Variants in GREM2 observed in about 807,000 individuals in gnomAD.
The protein encoded by GREM2 is gremlin 2, DAN family BMP antagonist, also known as gremlin-2.
GREM2 carries 11 observed loss-of-function variants against 14.2 expected under a neutral mutation model. That is an observed-to-expected ratio of 0.78 (90% CI 0.49 to 1.28). The LOEUF (loss-of-function observed/expected upper bound fraction) is 1.28. Ranked by LOEUF, GREM2 falls within the 50% of genes most tolerant of loss-of-function variation. The pLI is 0.00. For missense variants in GREM2, 210 were observed against 218.5 expected (o/e 0.96, Z 0.24); for synonymous variants, 98 against 97.6 (o/e 1.00, Z -0.02).
rs1265019746 is a variant in GREM2 at position 240,542,379 on chromosome 1, C to T, written c.-1-48903G>A. On this transcript the variant is annotated intron_variant, in intron 1 of 1. Coordinates refer to ENST00000318160, the MANE Select transcript of GREM2 (RefSeq NM_022469.4). The surrounding 1 kb of genome is among the most constrained non-coding windows in gnomAD (Gnocchi z 4.1). ...CAGTACTTTGGGAGGCCGAGGTGGG[C>T]AGATCACTTGCGGCCAGGAGTTCGA... is the stretch of plus-strand genomic sequence containing the variant. Among the ~76,000 whole-genome samples, 1 of 149,090 alleles carries T rather than the reference C, an allele frequency of 6.7e-6. No individual in the cohort carries two copies. The highest frequency in any genetic ancestry group is 2.5e-5 in the African/African-American group (1 of 40,322).
At chr1:240,556,203 A>T (rs1443573869) in intron 1 of GREM2, among the ~76,000 whole-genome samples, 1 of 152,232 alleles carries the variant, frequency 6.6e-6, no homozygotes, top group Non-Finnish European at 1.5e-5. Context: ...AAGGGAGGCC[A>T]TGTGCTAAGG....
At chr1:240,568,551 A>T (rs12139708) in intron 1 of GREM2, among the ~76,000 whole-genome samples, 39,183 of 152,044 alleles carry the variant, frequency 0.26, 5,806 homozygotes, top group East Asian at 0.4. Context: ...AGATTGGATT[A>T]AAAAAAGTAT....
chr1:240,521,234 T>C (rs1330893700), intron 1 of GREM2, among the ~76,000 whole-genome samples: 1 of 152,116 alleles, frequency 6.6e-6, no homozygotes, highest in African/African-American at 2.4e-5. Context: ...TAATATGTTC[T>C]CTCTTTCCCC....
chr1:240,521,765 C>T (rs1216145356), intron 1 of GREM2, among the ~76,000 whole-genome samples: 1 of 152,082 alleles, frequency 6.6e-6, no homozygotes, highest in Non-Finnish European at 1.5e-5. Flanking sequence ...ACATTTCATA[C>T]ACATTGGTGG....
intron 1 of GREM2, among the ~76,000 whole-genome samples, chr1:240,591,663 T>C (rs1679718716): frequency 6.6e-6 from 1 of 152,176 alleles, no homozygotes; most frequent in African/African-American, 2.4e-5. Context: ...AATGGATTGC[T>C]CTTTCACAGA....
At chr1:240,561,037 A>G (rs1193598487) in intron 1 of GREM2, among the ~76,000 whole-genome samples, 1 of 152,210 alleles carries the variant, frequency 6.6e-6, no homozygotes, top group Non-Finnish European at 1.5e-5. Flanking sequence ...CACACGACTT[A>G]AGAAATAGAT....
intron 1 of GREM2, among the ~76,000 whole-genome samples, chr1:240,601,866 T>C (rs1468724198): frequency 6.7e-6 from 1 of 149,266 alleles, no homozygotes; most frequent in East Asian, 2.0e-4. Context: ...AAGGCCGAGA[T>C]TGCACCATTG....
At chr1:240,609,897 C>T (rs368471667) in intron 1 of GREM2, among the ~76,000 whole-genome samples, 1 of 151,314 alleles carries the variant, frequency 6.6e-6, no homozygotes, top group Non-Finnish European at 1.5e-5. Context: ...ACTTATAACT[C>T]GAGGGTATGT....
At chr1:240,580,260 G>T (rs533481590) in intron 1 of GREM2, among the ~76,000 whole-genome samples, 1 of 152,142 alleles carries the variant, frequency 6.6e-6, no homozygotes, top group East Asian at 1.9e-4. Flanking sequence ...AATTTTTAAA[G>T]GTGCATGTTA....
At chr1:240,563,095 G>A (rs1247399876) in intron 1 of GREM2, among the ~76,000 whole-genome samples, 4 of 148,810 alleles carry the variant, frequency 2.7e-5, no homozygotes, top group Admixed American at 2.0e-4. Context: ...GTGTGTATGC[G>A]TGTATGTGTG....
intron 1 of GREM2, among the ~76,000 whole-genome samples, chr1:240,592,254 G>A (rs1679729344): frequency 6.6e-6 from 1 of 152,240 alleles, no homozygotes; most frequent in South Asian, 2.1e-4. Flanking sequence ...AGACTTGTAA[G>A]ACACAATTCA....
Position 240,492,353 on chromosome 1 carries a change from G to A in GREM2, c.*616C>T. On this transcript the variant is annotated 3_prime_UTR_variant, in exon 2 of 2. Coordinates refer to ENST00000318160, the MANE Select transcript of GREM2 (RefSeq NM_022469.4). ...AGGTTTCCCGGGAAGCCCACTTCGG[G>A]ATCCAAGTGGCTCAAGTTGTCTTCT... 1 of 299,384 alleles carries A rather than the reference G, an allele frequency of 3.3e-6. No homozygotes were observed. Among genetic ancestry groups the A allele is most frequent in the Non-Finnish European group, 7.0e-6 (1 of 142,678 alleles). The allele number at this position is 299,384 out of a possible 1,614,324, so 18.5% of individuals were successfully genotyped here. A position where few individuals can be genotyped will look rare whatever the true frequency, so the allele number is the denominator to read the frequency against.
intron 1 of GREM2, among the ~76,000 whole-genome samples, chr1:240,576,932 GA>G (rs1679383549): frequency 1.3e-5 from 2 of 152,110 alleles, no homozygotes; most frequent in South Asian, 2.1e-4. Context: ...ACTTACTTGG[GA>G]AGATTTTTTA....
intron 1 of GREM2, among the ~76,000 whole-genome samples, chr1:240,512,984 A>C (rs1255544154): frequency 1.3e-5 from 2 of 152,226 alleles, no homozygotes; most frequent in African/African-American, 4.8e-5. Flanking sequence ...AATACAGCAG[A>C]TATGATCCTG....
At chr1:240,549,922 A>C (rs1205123034) in intron 1 of GREM2, 1 of 152,368 alleles carries the variant, frequency 6.6e-6, no homozygotes, top group African/African-American at 2.4e-5. Context: ...TGCTTCTACC[A>C]TGGATGAGGC....
At chr1:240,547,532 T>TATATAGACAGATAGATAGATAGATAG (rs1187770486) in intron 1 of GREM2, among the ~76,000 whole-genome samples, 3 of 121,874 alleles carry the variant, frequency 2.5e-5, no homozygotes, top group African/African-American at 1.1e-4. Context: ...TATATATATA[T>TATATAGACAGATAGATAGATAGATAG]ATAGATAGAT....
chr1:240,545,093 T>C (rs984304534), intron 1 of GREM2, among the ~76,000 whole-genome samples: 11 of 152,210 alleles, frequency 7.2e-5, no homozygotes, highest in African/African-American at 2.7e-4. Context: ...GGCTCCCAGA[T>C]AGCTTCAGGA....
intron 1 of GREM2, among the ~76,000 whole-genome samples, chr1:240,518,922 T>C (rs890294912): frequency 5.3e-5 from 8 of 152,126 alleles, no homozygotes; most frequent in South Asian, 2.1e-4. Context: ...TTCAGTTATT[T>C]CTAAAGACTA....
At chr1:240,571,737 T>C (rs1165733887) in intron 1 of GREM2, among the ~76,000 whole-genome samples, 1 of 152,000 alleles carries the variant, frequency 6.6e-6, no homozygotes, top group East Asian at 1.9e-4. Flanking sequence ...AAGATTTGGG[T>C]CAATTTCTTA....
Sources: gnomAD v4.1 joint callset for allele counts (sites outside exome capture counted in the v4.1 genomes callset) on GRCh38, gnomAD v4.1.1 for gene constraint, Gnocchi (gnomAD v3.1) non-coding constraint, MANE v1.5 for transcripts, NCBI Gene and HGNC (gene_info 2026-07-23, HGNC 2026-07-21) for gene names.